Variants in PPP2R3B observed in about 807,000 individuals in gnomAD.
The protein encoded by PPP2R3B is protein phosphatase 2 regulatory subunit B''beta.
PPP2R3B carries 68 observed loss-of-function variants against 72.9 expected under a neutral mutation model. The ratio of observed to expected loss-of-function variants is 0.93; its 90% CI spans 0.77 to 1.14. The LOEUF is 1.14. PPP2R3B is among the 50% of genes most tolerant of loss of function. PPP2R3B has a pLI of 0.00. For synonymous variants in PPP2R3B, 466 were observed against 375.8 expected, an observed-to-expected ratio of 1.24 and a Z score of -2.78; for missense variants, 1,018 against 842.0, an observed-to-expected ratio of 1.21 and a Z score of -2.59.
chrX:357,515 T>C (rs140719594), intron 2 of PPP2R3B, among the ~76,000 whole-genome samples: 1,562 of 152,266 alleles, frequency 0.01, 34 homozygotes, highest in African/African-American at 0.035. Flanking sequence ...GTGTGTAGCA[T>C]GACGGATCAA....
chrX:334,431 G>A lies in PPP2R3B; in HGVS notation c.1664C>T (p.Ser555Leu). The A allele has an allele frequency of 6.3e-7, 1 of 1,595,602 alleles. No homozygotes were observed. The highest frequency in any genetic ancestry group is 8.5e-7 in the Non-Finnish European group (1 of 1,176,082). ...LAQRPFFEAPSPLGAVDLYEY... is the reference protein window; with the variant it reads ...LAQRPFFEAPLPLGAVDLYEY... ...GTACAGGTCCACGGCGCCCAGCGGTGAGGGCGCCTCGAAGAAGGGCCTCTG... is the reference window on the plus strand; with the variant it reads ...GTACAGGTCCACGGCGCCCAGCGGTAAGGGCGCCTCGAAGAAGGGCCTCTG... Residue 555 changes from serine to leucine, a missense_variant, in exon 13 of 13, where the codon TCA becomes TTA. Transcript: ENST00000390665.
rs779380979 is a variant in PPP2R3B, at chrX:345,004, T to C, written c.1036+512A>G. The C allele has an allele frequency of 9.9e-4, 358 of 360,066 alleles. 2 individuals carry two copies. The highest frequency in any genetic ancestry group is 7.4e-3 in the African/African-American group (346 of 46,960). 22.3% of individuals were successfully genotyped at this position (360,066 alleles called of 1,614,324 possible). A position where few individuals can be genotyped will look rare whatever the true frequency, so the allele number is the denominator to read the frequency against. On this transcript the variant is annotated intron_variant, in intron 7 of 12. Coordinates refer to ENST00000390665, the MANE Select transcript of PPP2R3B (RefSeq NM_013239.5). ...ACAGGCCGCTTTGAGTTCCTGCAAGTGTGGATGACTCTTAGAGGGGCCGGG... is the reference window on the plus strand; with the variant it reads ...ACAGGCCGCTTTGAGTTCCTGCAAGCGTGGATGACTCTTAGAGGGGCCGGG...
intron 1 of PPP2R3B, among the ~76,000 whole-genome samples, chrX:367,059 A>G (rs1283928017): frequency 7.3e-6 from 1 of 137,510 alleles, no homozygotes; most frequent in Non-Finnish European, 1.5e-5. Context: ...ATACTTGGAC[A>G]TTTTTAGCCC....
At chrX:365,437 A>G (rs1160243473) in intron 1 of PPP2R3B, among the ~76,000 whole-genome samples, 171 of 30,040 alleles carry the variant, frequency 5.7e-3, no homozygotes, top group Middle Eastern at 0.032. Flanking sequence ...CAGCTACTCG[A>G]GAGGCTGAGG....
At chrX:372,127 C>T (rs186908950) in intron 1 of PPP2R3B, among the ~76,000 whole-genome samples, 3 of 152,250 alleles carry the variant, frequency 2.0e-5, no homozygotes, top group African/African-American at 7.2e-5. Flanking sequence ...GAGCCCGCAC[C>T]GCCCAGCACC....
intron 12 of PPP2R3B, 33 bp from the exon 13 acceptor site, chrX:334,550 C>A: frequency 6.8e-7 from 1 of 1,471,122 alleles, no homozygotes; most frequent in Non-Finnish European, 8.9e-7. Flanking sequence ...ACGTGGCCAG[C>A]AGCGCGGAGC....
At position 346,701 on chromosome X, in the gene PPP2R3B, C is replaced by A; in HGVS notation, c.792G>T (p.Thr264=). 6.2e-7 allele frequency: 1 copy of A among 1,607,522 alleles called. No individual in the cohort carries two copies. The highest frequency in any genetic ancestry group is 8.5e-7 in the Non-Finnish European group (1 of 1,176,966). The change falls in exon 5 of 13, where the codon ACG becomes ACT. Residue 264 remains threonine (T), a splice_region_variant and synonymous_variant. Transcript: ENST00000390665. ...ASEFHSRYIT[T]VIQRIFYAVN... is the part of the protein sequence containing the mutation. Reference sequence around the variant, plus strand: ...GACGGCCCCTCCGCTGGGGACCCACCGTGGTGATGTAGCGCGAGTGGAACT... The same window carrying A: ...GACGGCCCCTCCGCTGGGGACCCACAGTGGTGATGTAGCGCGAGTGGAACT...
At chrX:347,900 G>C (rs1437456105) in intron 2 of PPP2R3B, 1 of 548,868 alleles carries the variant, frequency 1.8e-6, no homozygotes, top group Admixed American at 3.7e-5. Flanking sequence ...GCGTGGGAGT[G>C]CCGGGCACGC....
At chrX:350,642 T>C (rs939576097) in intron 2 of PPP2R3B, among the ~76,000 whole-genome samples, 3 of 152,112 alleles carry the variant, frequency 2.0e-5, no homozygotes, top group Non-Finnish European at 2.9e-5. Flanking sequence ...TCACAGGGCA[T>C]GGAGAGGTGG....
At chrX:334,591 G>A (rs750926697) in intron 12 of PPP2R3B, 74 bp from the exon 13 acceptor site, 3 of 1,364,312 alleles carry the variant, frequency 2.2e-6, no homozygotes, top group Non-Finnish European at 2.8e-6. Context: ...GGAAACACAG[G>A]CTGCTCGGCC....
intron 1 of PPP2R3B, among the ~76,000 whole-genome samples, chrX:369,293 C>T (rs571415540): frequency 1.5e-3 from 225 of 152,306 alleles, no homozygotes; most frequent in African/African-American, 5.1e-3. Flanking sequence ...CCAGGTCATC[C>T]ACTTTAAATC....
chrX:380,838 T>C (rs1040041391), intron 1 of PPP2R3B, among the ~76,000 whole-genome samples: 2 of 148,154 alleles, frequency 1.3e-5, no homozygotes, highest in African/African-American at 5.0e-5. Flanking sequence ...AGGTTCTTAA[T>C]TCCCCTTGTA....
rs1430719352 is a variant in PPP2R3B, at chrX:340,326, G to T, written c.1351+439C>A. ...CCCTAGGTTCTCTAGGTCACCCCTCGGGGGGTGTCGACGCCCCGAATAGGA... is the reference window on the plus strand; with the variant it reads ...CCCTAGGTTCTCTAGGTCACCCCTCTGGGGGTGTCGACGCCCCGAATAGGA... On this transcript the variant is annotated intron_variant, in intron 10 of 12. Transcript: ENST00000390665. Among the ~76,000 whole-genome samples the T allele has an allele frequency of 2.0e-5, 3 of 151,006 alleles. No homozygotes were observed. In the East Asian group the frequency reaches 5.9e-4, roughly 30 times the overall value.
At chrX:372,679 G>A (rs73178055) in intron 1 of PPP2R3B, among the ~76,000 whole-genome samples, 4,520 of 152,330 alleles carry the variant, frequency 0.03, 84 homozygotes, top group Middle Eastern at 0.065. Context: ...TTCAAAGCCA[G>A]CTGGGGTGGA....
intron 1 of PPP2R3B, among the ~76,000 whole-genome samples, chrX:372,706 C>G (rs898227915): frequency 7.9e-5 from 12 of 152,332 alleles, no homozygotes; most frequent in African/African-American, 2.9e-4. Flanking sequence ...CGCCCCTACT[C>G]CCAGCACTTT....
rs747155157 is a variant in PPP2R3B at position 338,730 on chromosome X, T to G, written c.1471-20A>C. On this transcript the variant is annotated intron_variant, in intron 11 of 12. Transcript: ENST00000390665. ...ACCGTCCTGGAGGAAGCACACGGGT[T>G]ACGTACACGGCGTGGCGCGGCCCGG... 3 of 1,611,412 alleles carry G rather than the reference T, an allele frequency of 1.9e-6. No individual in the cohort carries two copies. In the African/African-American group the frequency reaches 4.0e-5, roughly 22 times the overall value.
At chrX:341,058 AC>A in intron 9 of PPP2R3B, 118 bp from the exon 10 acceptor site, 1 of 1,362,506 alleles carries the variant, frequency 7.3e-7, no homozygotes, top group Non-Finnish European at 9.8e-7. Flanking sequence ...TGCAGCCCCC[AC>A]CGGGCGTGCA....
rs763370368 is a variant in PPP2R3B, at chrX:346,134, G to A, written c.879+40C>T. 82 of 1,432,400 alleles carry A rather than the reference G, an allele frequency of 5.7e-5. 1 individual carries two copies. The African/African-American group carries it at 1.2e-3, about 21-fold the overall frequency. 88.7% of individuals were successfully genotyped at this position (1,432,400 alleles called of 1,614,324 possible). On this transcript the variant is annotated intron_variant, in intron 6 of 12. Transcript: ENST00000390665. ...AAGGGAGTGGAGGTAGGAGGGGTAG[G>A]GACAAGGCAGGGGGCAGGGGACAGG... is the stretch of plus-strand genomic sequence containing the variant.
At chrX:338,961 G>A (rs1437383982) in intron 10 of PPP2R3B, 65 bp from the exon 11 acceptor site, 2 of 1,332,344 alleles carry the variant, frequency 1.5e-6, no homozygotes, top group Non-Finnish European at 2.2e-6. Flanking sequence ...CTGGGTGTGG[G>A]GTGCGCGCGT....
Sources: allele counts gnomAD v4.1 joint callset (sites outside exome capture counted in the v4.1 genomes callset), GRCh38; gene constraint gnomAD v4.1.1; transcripts MANE v1.5; gene names NCBI Gene and HGNC (gene_info 2026-07-23, HGNC 2026-07-21).